ME3: variants seen among roughly 807,000 people sequenced by gnomAD.
ME3 encodes the protein NADP-dependent malic enzyme, mitochondrial.
ME3 carries 48 observed loss-of-function variants against 68.9 expected under a neutral mutation model. The ratio of observed to expected loss-of-function variants is 0.70; its 90% confidence interval spans 0.55 to 0.89. The LOEUF is 0.89. Among genes scored for constraint, ME3 ranks in the 40% least tolerant of loss-of-function variants. The probability of loss-of-function intolerance (pLI) is 0.00; values close to 1 mark genes in which losing one functional copy is unlikely to be tolerated. For missense variants in ME3, 675 were observed against 797.4 expected, an observed-to-expected ratio of 0.85 and a Z score of 1.85; for synonymous variants, 320 against 318.8, an observed-to-expected ratio of 1.00 and a Z score of -0.04.
intron 4 of ME3, among the ~76,000 whole-genome samples, chr11:86,514,895 G>GGCTCAGATGCTGGCAAAAT (rs1299701553): frequency 6.6e-6 from 1 of 152,114 alleles, no homozygotes; most frequent in Non-Finnish European, 1.5e-5. Flanking sequence ...AGATCGCCTG[G>GGCTCAGATGCTGGCAAAAT]GCTCAGATGC....
rs113087398 is a variant in ME3 at position 86,613,689 on chromosome 11, G to A, written c.184-53866C>T. ...TTACACCAACAATAGACAGCAGAGAGCCAAATCATGAATGAACTCCCAGTC... is the reference window on the plus strand; with the variant it reads ...TTACACCAACAATAGACAGCAGAGAACCAAATCATGAATGAACTCCCAGTC... On this transcript the variant is annotated intron_variant, in intron 2 of 14. Coordinates refer to ENST00000543262, the Ensembl canonical transcript of ME3. Among the ~76,000 whole-genome samples the A allele has an allele frequency of 1.1e-3, 173 of 152,194 alleles. 2 individuals are homozygous for A. The highest frequency in any genetic ancestry group is 2.2e-3 in the Non-Finnish European group (149 of 68,018).
chr11:86,528,646 A>G (rs1954960323), intron 4 of ME3, among the ~76,000 whole-genome samples: 1 of 152,158 alleles, frequency 6.6e-6, no homozygotes, highest in Non-Finnish European at 1.5e-5. Flanking sequence ...CAGAAATTAT[A>G]ACAAACTGTC....
chr11:86,496,842 G>A (rs1004445627), intron 6 of ME3, among the ~76,000 whole-genome samples: 34 of 148,226 alleles, frequency 2.3e-4, no homozygotes, highest in Admixed American at 5.4e-4. Flanking sequence ...ATAAAATACT[G>A]TATATATAAT....
At chr11:86,630,010 C>G (rs1436636064) in intron 2 of ME3, among the ~76,000 whole-genome samples, 2 of 152,120 alleles carry the variant, frequency 1.3e-5, no homozygotes, top group Non-Finnish European at 2.9e-5. Context: ...TTTCAGAACT[C>G]TAGACCTGGA....
At chr11:86,563,986 G>A (rs555233294) in intron 2 of ME3, among the ~76,000 whole-genome samples, 2 of 152,252 alleles carry the variant, frequency 1.3e-5, no homozygotes, top group East Asian at 3.9e-4. Context: ...TGTGAAGAAT[G>A]ACCTTGGTAG....
intron 6 of ME3, among the ~76,000 whole-genome samples, chr11:86,497,308 A>C (rs1160989785): frequency 6.6e-6 from 1 of 152,170 alleles, no homozygotes; most frequent in African/African-American, 2.4e-5. Flanking sequence ...CTGATCTCAA[A>C]GATAAATGTA....
At chr11:86,443,752 C>A (rs1338557742) in intron 13 of ME3, among the ~76,000 whole-genome samples, 1 of 152,186 alleles carries the variant, frequency 6.6e-6, no homozygotes, top group African/African-American at 2.4e-5. Context: ...AGTGGGCCTC[C>A]CTCTCTACCT....
intron 7 of ME3, among the ~76,000 whole-genome samples, chr11:86,468,782 A>G (rs1275198999): frequency 6.6e-6 from 1 of 152,192 alleles, no homozygotes; most frequent in African/African-American, 2.4e-5. Flanking sequence ...TAAAATGCTA[A>G]CAACAATGGT....
intron 4 of ME3, among the ~76,000 whole-genome samples, chr11:86,521,429 A>AT: frequency 7.4e-6 from 1 of 135,166 alleles, no homozygotes; most frequent in Admixed American, 7.1e-5. Flanking sequence ...AAAACAAAAC[A>AT]AAAATAATAA....
In ME3 at chr11:86,556,703, C is replaced by T; in HGVS notation, c.318-1G>A. 1.2e-6 allele frequency: 2 copies of T among 1,613,802 alleles called. No individual in the cohort carries two copies. The highest frequency in any genetic ancestry group is 8.5e-7 in the Non-Finnish European group (1 of 1,179,814). The stretch of plus-strand genomic sequence containing the variant: ...TTGGAGTGTCATGAGAATGATGTAC[C>T]TTGTAAAAGGAGAGAAAAAGCAAGC... On this transcript the variant is annotated splice_acceptor_variant, in intron 3 of 14. Transcript: ENST00000543262. LOFTEE classifies it high-confidence loss of function.
chr11:86,656,774 G>A (rs1429307783), intron 2 of ME3, among the ~76,000 whole-genome samples: 1 of 151,272 alleles, frequency 6.6e-6, no homozygotes, highest in Non-Finnish European at 1.5e-5. Flanking sequence ...CAAGAGAAAA[G>A]CAAATAACCC....
At chr11:86,632,848 C>T (rs183895701) in intron 2 of ME3, among the ~76,000 whole-genome samples, 26 of 152,272 alleles carry the variant, frequency 1.7e-4, no homozygotes, top group African/African-American at 5.3e-4. Context: ...TCCATGGGAG[C>T]CCCAGGCCCT....
chr11:86,455,607 A>G lies in ME3; in HGVS notation c.920-5209T>C, dbSNP rs145630176. ...TAGCTTTATTCATTGTTCCCTACAC[A>G]TATCATGCATGTTTATACTTAGGTA... On this transcript the variant is annotated intron_variant, in intron 8 of 14. Coordinates refer to ENST00000543262, the Ensembl canonical transcript of ME3. Among the ~76,000 whole-genome samples, 978 of 152,304 alleles carry G rather than the reference A, an allele frequency of 6.4e-3. 8 individuals are homozygous for G. Among genetic ancestry groups the G allele is most frequent in the African/African-American group, 0.023 (936 of 41,560 alleles).
chr11:86,487,285 C>G, intron 7 of ME3, 52 bp downstream of exon 7: 1 of 1,453,168 alleles, frequency 6.9e-7, no homozygotes, highest in Non-Finnish European at 9.7e-7. Flanking sequence ...TGACTTTAGT[C>G]ACGGCATCTC....
intron 2 of ME3, among the ~76,000 whole-genome samples, chr11:86,651,970 G>A (rs920085763): frequency 6.6e-6 from 1 of 152,156 alleles, no homozygotes; most frequent in Non-Finnish European, 1.5e-5. Context: ...TAGCCGATTC[G>A]ATCAACTGGA....
intron 2 of ME3, among the ~76,000 whole-genome samples, chr11:86,574,220 T>G (rs532427179): frequency 5.1e-4 from 77 of 152,284 alleles, no homozygotes; most frequent in African/African-American, 1.9e-3. Context: ...AATTCGTCAA[T>G]CTCATTCTTC....
intron 10 of ME3, among the ~76,000 whole-genome samples, chr11:86,449,514 G>A (rs1172747267): frequency 6.6e-6 from 1 of 152,202 alleles, no homozygotes; most frequent in Admixed American, 6.5e-5. Context: ...ACTGGGAAGG[G>A]GTTAAGGGTT....
chr11:86,494,365 C>A (rs559851054), intron 6 of ME3, among the ~76,000 whole-genome samples: 1 of 152,302 alleles, frequency 6.6e-6, no homozygotes, highest in African/African-American at 2.4e-5. Context: ...GTGGGCAAGG[C>A]AGCTGTGGAG....
chr11:86,488,179 CAA>C (rs946607632), intron 6 of ME3, among the ~76,000 whole-genome samples: 1 of 149,362 alleles, frequency 6.7e-6, no homozygotes, highest in Admixed American at 6.6e-5. Context: ...GACCCTGTCT[CAA>C]AAAAAAAGAA....
Sources: allele counts gnomAD v4.1 joint callset (sites outside exome capture counted in the v4.1 genomes callset), GRCh38; gene constraint gnomAD v4.1.1; transcripts MANE v1.5; gene names NCBI Gene and HGNC (gene_info 2026-07-23, HGNC 2026-07-21).